Variants in EXOC6B observed in about 807,000 individuals in gnomAD.
EXOC6B encodes the protein SEC15 homolog B.
A neutral mutation model predicts 113.5 loss-of-function variants in EXOC6B; 54 were observed. That is an observed-to-expected ratio of 0.48 (90% CI 0.38 to 0.60). EXOC6B has a LOEUF of 0.60. Ranked by LOEUF, EXOC6B falls within the 20% of genes least tolerant of loss-of-function variation. The probability of loss-of-function intolerance (pLI) is 0.00; values close to 1 mark genes in which losing one functional copy is unlikely to be tolerated. For missense variants in EXOC6B, 797 were observed against 977.5 expected (o/e 0.82, Z 2.46); for synonymous variants, 357 against 339.0 (o/e 1.05, Z -0.58).
At chr2:72,797,633 C>G (rs1326208525) in intron 1 of EXOC6B, among the ~76,000 whole-genome samples, 1 of 151,936 alleles carries the variant, frequency 6.6e-6, no homozygotes, top group Non-Finnish European at 1.5e-5. Flanking sequence ...GGCCAACATG[C>G]CAAAACCCCA....
intron 18 of EXOC6B, among the ~76,000 whole-genome samples, chr2:72,393,141 C>A (rs1463727644): frequency 6.6e-6 from 1 of 151,766 alleles, no homozygotes; most frequent in Non-Finnish European, 1.5e-5. Flanking sequence ...TGTAACCAGG[C>A]TGGAGTGCAG....
intron 20 of EXOC6B, among the ~76,000 whole-genome samples, chr2:72,302,795 G>A (rs1401034813): frequency 2.0e-5 from 3 of 151,832 alleles, no homozygotes; most frequent in East Asian, 1.9e-4. Context: ...TTGCCACTCC[G>A]TGCCTTTAAA....
intron 18 of EXOC6B, among the ~76,000 whole-genome samples, chr2:72,449,850 C>G (rs1448524522): frequency 6.6e-6 from 1 of 152,172 alleles, no homozygotes; most frequent in Non-Finnish European, 1.5e-5. Flanking sequence ...GTCTAATACT[C>G]TGTCCGACAC....
intron 6 of EXOC6B, among the ~76,000 whole-genome samples, chr2:72,701,039 A>C (rs1417445306): frequency 6.6e-6 from 1 of 152,144 alleles, no homozygotes; most frequent in African/African-American, 2.4e-5. Flanking sequence ...TCACTGGAGG[A>C]GAATCAAGAT....
At chr2:72,788,220 A>G (rs1043164263) in intron 1 of EXOC6B, among the ~76,000 whole-genome samples, 6 of 152,162 alleles carry the variant, frequency 3.9e-5, no homozygotes, top group Non-Finnish European at 7.4e-5. Flanking sequence ...ATGACTTAAT[A>G]TGTAAAATTG....
intron 20 of EXOC6B, among the ~76,000 whole-genome samples, chr2:72,331,657 A>C (rs1186182748): frequency 6.6e-6 from 1 of 152,116 alleles, no homozygotes; most frequent in Non-Finnish European, 1.5e-5. Flanking sequence ...AGTGTTAAAG[A>C]AGGGGATTTT....
intron 18 of EXOC6B, among the ~76,000 whole-genome samples, chr2:72,440,086 C>T (rs1294323703): frequency 2.0e-5 from 3 of 152,050 alleles, no homozygotes; most frequent in African/African-American, 7.2e-5. Context: ...GGACCTGTGG[C>T]CAGCCCAAAC....
intron 1 of EXOC6B, among the ~76,000 whole-genome samples, chr2:72,798,256 A>G (rs2105068889): frequency 6.6e-6 from 1 of 152,324 alleles, no homozygotes; most frequent in African/African-American, 2.4e-5. Flanking sequence ...ATGAGAATTC[A>G]TTCTGTGTAA....
chr2:72,587,335 G>A (rs761348096), intron 6 of EXOC6B, among the ~76,000 whole-genome samples: 13 of 152,156 alleles, frequency 8.5e-5, no homozygotes, highest in Non-Finnish European at 1.3e-4. Context: ...TATACTGCAT[G>A]TTCTCACTTA....
intron 18 of EXOC6B, among the ~76,000 whole-genome samples, chr2:72,399,043 A>T (rs115432093): frequency 0.01 from 1,543 of 152,036 alleles, 32 homozygotes; most frequent in African/African-American, 0.035. Context: ...ATAAGCCAAT[A>T]TCCCTGATTA....
At chr2:72,791,235 A>G (rs942073366) in intron 1 of EXOC6B, among the ~76,000 whole-genome samples, 1 of 152,202 alleles carries the variant, frequency 6.6e-6, no homozygotes, top group African/African-American at 2.4e-5. Context: ...ATTACTCCGT[A>G]TCCTACAAAT....
chr2:72,679,078 T>C (rs1676510154), intron 6 of EXOC6B, among the ~76,000 whole-genome samples: 1 of 152,128 alleles, frequency 6.6e-6, no homozygotes, highest in African/African-American at 2.4e-5. Flanking sequence ...AATCTCTTTT[T>C]TTTTTTTAAA....
chr2:72,387,316 T>C (rs1025237697), intron 18 of EXOC6B, among the ~76,000 whole-genome samples: 1 of 152,180 alleles, frequency 6.6e-6, no homozygotes, highest in Non-Finnish European at 1.5e-5. Flanking sequence ...TTGTCATTGT[T>C]TGATTTTGCT....
chr2:72,777,898 T>C (rs1313876444), intron 1 of EXOC6B, among the ~76,000 whole-genome samples: 1 of 152,148 alleles, frequency 6.6e-6, no homozygotes, highest in Admixed American at 6.5e-5. Flanking sequence ...AAGATGTTAA[T>C]TGTAACCCCC....
Position 72,770,492 on chromosome 2 carries a change from A to G in EXOC6B, c.114-29023T>C, listed in dbSNP as rs118130250. Among the ~76,000 whole-genome samples, 19 of 152,332 alleles carry G rather than the reference A, an allele frequency of 1.2e-4. No homozygotes were observed. In the East Asian group the frequency reaches 3.7e-3, roughly 29 times the overall value. On this transcript the variant is annotated intron_variant, in intron 1 of 21. Transcript: ENST00000272427. ...TCTTAAGCATTCCATAATCAAACAC[A>G]TTCATATTTCAGCAGTAAAATATAG...
chr2:72,297,751 C>A (rs1686229655), intron 20 of EXOC6B, among the ~76,000 whole-genome samples: 1 of 151,904 alleles, frequency 6.6e-6, no homozygotes, highest in African/African-American at 2.4e-5. Flanking sequence ...TGTTATTTAC[C>A]CAGTAGTCAT....
chr2:72,528,368 T>G (rs999090282), intron 8 of EXOC6B, among the ~76,000 whole-genome samples: 1 of 152,116 alleles, frequency 6.6e-6, no homozygotes, highest in Non-Finnish European at 1.5e-5. Context: ...AATCTATTCC[T>G]GGGTTCTCTA....
chr2:72,581,260 C>T (rs978626448), intron 6 of EXOC6B, among the ~76,000 whole-genome samples: 3 of 152,188 alleles, frequency 2.0e-5, no homozygotes, highest in African/African-American at 7.2e-5. Context: ...CTTATCAGGA[C>T]TGGCTCTGGA....
At chr2:72,260,078 A>T (rs1683618618) in intron 20 of EXOC6B, among the ~76,000 whole-genome samples, 1 of 151,398 alleles carries the variant, frequency 6.6e-6, no homozygotes, top group African/African-American at 2.4e-5. Flanking sequence ...AAAGAGACAG[A>T]GAGAGAGAGA....
Sources: allele counts gnomAD v4.1 joint callset (sites outside exome capture counted in the v4.1 genomes callset), GRCh38; gene constraint gnomAD v4.1.1; transcripts MANE v1.5; gene names NCBI Gene and HGNC (gene_info 2026-07-23, HGNC 2026-07-21).